Variants in PALM2AKAP2 observed in about 807,000 individuals in gnomAD.
PALM2AKAP2 encodes PALM2 and AKAP2 fusion, also known as PALM2-AKAP2 fusion protein.
PALM2AKAP2 carries 37 observed loss-of-function variants against 71.5 expected under a neutral mutation model. The observed-to-expected ratio is 0.52, with a 90% CI of 0.40 to 0.68. The LOEUF (loss-of-function observed/expected upper bound fraction) is 0.68. Among genes scored for constraint, PALM2AKAP2 ranks in the 30% least tolerant of loss-of-function variants. The pLI is 0.00. For missense variants in PALM2AKAP2, 1,224 were observed against 1,191.8 expected (o/e 1.03, Z -0.40); for synonymous variants, 468 against 478.8 (o/e 0.98, Z 0.29).
intron 3 of PALM2AKAP2, among the ~76,000 whole-genome samples, chr9:109,911,110 C>A (rs1351454234): frequency 6.6e-6 from 1 of 152,052 alleles, no homozygotes; most frequent in East Asian, 1.9e-4. Flanking sequence ...AACAGACAGT[C>A]TGAGTCAGAG....
chr9:109,971,043 C>G (rs887768824), intron 6 of PALM2AKAP2, among the ~76,000 whole-genome samples: 1 of 151,884 alleles, frequency 6.6e-6, no homozygotes, highest in African/African-American at 2.4e-5. Context: ...CCCAGGAGGC[C>G]GATCACACCA....
chr9:109,728,796 G>A (rs1428988467), intron 1 of PALM2AKAP2, among the ~76,000 whole-genome samples: 3 of 152,058 alleles, frequency 2.0e-5, no homozygotes, highest in African/African-American at 7.3e-5. Flanking sequence ...AAGCTGGCTG[G>A]ACATGGAGGT....
At chr9:110,013,150 G>C (rs886396598) in intron 6 of PALM2AKAP2, among the ~76,000 whole-genome samples, 4 of 152,154 alleles carry the variant, frequency 2.6e-5, no homozygotes, top group African/African-American at 7.2e-5. Flanking sequence ...TCCACTTGCA[G>C]GCTGACTGGG....
At chr9:109,759,643 G>A (rs1036647873) in intron 1 of PALM2AKAP2, among the ~76,000 whole-genome samples, 10 of 152,058 alleles carry the variant, frequency 6.6e-5, no homozygotes, top group African/African-American at 2.2e-4. Context: ...TAATCTTTTA[G>A]GCCCATTTTA....
chr9:109,912,846 G>C (rs1830602498), intron 3 of PALM2AKAP2, among the ~76,000 whole-genome samples: 1 of 152,218 alleles, frequency 6.6e-6, no homozygotes, highest in South Asian at 2.1e-4. Flanking sequence ...AACTAATGAA[G>C]TGGTCTCTTC....
At chr9:110,037,582 C>G (rs1833436376) in intron 7 of PALM2AKAP2, among the ~76,000 whole-genome samples, 1 of 152,158 alleles carries the variant, frequency 6.6e-6, no homozygotes, top group African/African-American at 2.4e-5. Context: ...GAGACCAGGT[C>G]TTGTACTTAT....
intron 1 of PALM2AKAP2, among the ~76,000 whole-genome samples, chr9:109,720,043 C>T (rs7875125): frequency 0.14 from 20,503 of 151,500 alleles, 1,670 homozygotes; most frequent in East Asian, 0.37. Flanking sequence ...GGCTAGAGTG[C>T]AGTGGCGTGA....
chr9:109,686,951 G>A (rs190041653), intron 1 of PALM2AKAP2, among the ~76,000 whole-genome samples: 107 of 151,940 alleles, frequency 7.0e-4, no homozygotes, highest in African/African-American at 2.3e-3. Flanking sequence ...CCTTGTGATA[G>A]TTTGCTGAGA....
chr9:109,997,688 A>G (rs1313910718), intron 6 of PALM2AKAP2, among the ~76,000 whole-genome samples: 1 of 152,188 alleles, frequency 6.6e-6, no homozygotes, highest in African/African-American at 2.4e-5. Flanking sequence ...AGAGAGCAGA[A>G]GAGGGAGAGG....
At chr9:110,005,190 A>G (rs1832754113) in intron 6 of PALM2AKAP2, among the ~76,000 whole-genome samples, 1 of 152,108 alleles carries the variant, frequency 6.6e-6, no homozygotes, top group South Asian at 2.1e-4. Context: ...ATGGTGATGT[A>G]CAGATGGGGT....
chr9:109,768,403 G>A (rs1829198839), intron 1 of PALM2AKAP2, among the ~76,000 whole-genome samples: 2 of 152,128 alleles, frequency 1.3e-5, no homozygotes, highest in African/African-American at 4.8e-5. Flanking sequence ...TTGTACATAT[G>A]TATGGGATTT....
chr9:109,911,923 A>G (rs753822251), intron 3 of PALM2AKAP2, among the ~76,000 whole-genome samples: 13 of 152,216 alleles, frequency 8.5e-5, no homozygotes, highest in Non-Finnish European at 1.6e-4. Context: ...ACCAAAAGTT[A>G]GAAATGCTGT....
At chr9:110,044,012 T>C (rs1181473901), upstream of PALM2AKAP2, among the ~76,000 whole-genome samples, 1 of 152,034 alleles carries the variant, frequency 6.6e-6, no homozygotes, top group Admixed American at 6.6e-5. Flanking sequence ...AGCCACCACA[T>C]CCAGCCCAGG....
chr9:110,067,624 C>T (rs1305267614), intron 1 of PALM2AKAP2, among the ~76,000 whole-genome samples: 1 of 152,192 alleles, frequency 6.6e-6, no homozygotes, highest in African/African-American at 2.4e-5. Context: ...CCTCCTCCAC[C>T]CTGGCTGTTG....
At chr9:109,829,992 G>A (rs1828255263) in intron 1 of PALM2AKAP2, among the ~76,000 whole-genome samples, 1 of 152,154 alleles carries the variant, frequency 6.6e-6, no homozygotes, top group Admixed American at 6.5e-5. Context: ...AGAATATGAG[G>A]TGGGAGATGC....
intron 6 of PALM2AKAP2, among the ~76,000 whole-genome samples, chr9:109,991,929 C>T (rs1170093193): frequency 6.6e-6 from 1 of 152,190 alleles, no homozygotes; most frequent in African/African-American, 2.4e-5. Context: ...AAATTAAATT[C>T]TAGCTCAGTG....
chr9:109,928,167 A>G (rs1179013778), intron 5 of PALM2AKAP2, among the ~76,000 whole-genome samples: 1 of 152,082 alleles, frequency 6.6e-6, no homozygotes, highest in Admixed American at 6.5e-5. Flanking sequence ...CAGTGGTGCC[A>G]TCTTGGCTCA....
At chr9:109,958,748 T>C (rs1831795503) in intron 6 of PALM2AKAP2, among the ~76,000 whole-genome samples, 1 of 150,694 alleles carries the variant, frequency 6.6e-6, no homozygotes, top group Non-Finnish European at 1.5e-5. Flanking sequence ...AGGAGGGGAG[T>C]TGTTCCTTGA....
rs189535173 is a variant in PALM2AKAP2, at chr9:109,826,448, A to G, written c.46-41043A>G. ...CTACTTGGGAAAAACATGTTTAATC[A>G]GGCACTAAAGGGGCAGCTGAAGTGT... On this transcript the variant is annotated intron_variant, in intron 1 of 9. Coordinates refer to the PALM2AKAP2 transcript ENST00000302798. Among the ~76,000 whole-genome samples the G allele has an allele frequency of 6.7e-3, 1,014 of 152,292 alleles. 8 individuals carry two copies. The highest frequency in any genetic ancestry group is 0.023 in the African/African-American group (954 of 41,556).
Sources: allele counts gnomAD v4.1 joint callset (sites outside exome capture counted in the v4.1 genomes callset), GRCh38; gene constraint gnomAD v4.1.1; transcripts MANE v1.5; gene names NCBI Gene and HGNC (gene_info 2026-07-23, HGNC 2026-07-21).